Variants in SDK1 observed in about 807,000 individuals in gnomAD.
The protein encoded by SDK1 is protein sidekick-1.
A neutral mutation model predicts 245.5 loss-of-function variants in SDK1; 157 were observed. The ratio of observed to expected loss-of-function variants is 0.64; its 90% CI spans 0.56 to 0.73. The LOEUF is 0.73. Among genes scored for constraint, SDK1 ranks in the 30% least tolerant of loss-of-function variants. The pLI, the probability that SDK1 is intolerant of heterozygous loss-of-function variation, is 0.00. For missense variants in SDK1, 3,583 were observed against 3,002.3 expected, an observed-to-expected ratio of 1.19 and a Z score of -4.52; for synonymous variants, 1,647 against 1,278.5, an observed-to-expected ratio of 1.29 and a Z score of -6.15.
intron 1 of SDK1, among the ~76,000 whole-genome samples, chr7:3,458,425 T>C (rs1583887078): frequency 6.6e-6 from 1 of 152,116 alleles, no homozygotes; most frequent in Non-Finnish European, 1.5e-5. Context: ...ATAAATGAAC[T>C]CCTTCTATGT....
chr7:3,530,540 T>C (rs930072642), intron 1 of SDK1, among the ~76,000 whole-genome samples: 12 of 152,204 alleles, frequency 7.9e-5, no homozygotes, highest in African/African-American at 1.2e-4. Flanking sequence ...TCACTCATGC[T>C]TTGTAAAAGA....
At chr7:3,627,939 A>G (rs923917851) in intron 2 of SDK1, among the ~76,000 whole-genome samples, 2 of 152,080 alleles carry the variant, frequency 1.3e-5, no homozygotes, top group Admixed American at 6.6e-5. Context: ...CAGCCAAGCC[A>G]TTTGTTACTG....
At chr7:3,649,547 C>T (rs1782944067) in intron 4 of SDK1, among the ~76,000 whole-genome samples, 1 of 152,044 alleles carries the variant, frequency 6.6e-6, no homozygotes, top group Admixed American at 6.5e-5. Flanking sequence ...ATTCATTCAA[C>T]ATCATTTCTG....
At chr7:3,620,935 G>C (rs968971419) in intron 2 of SDK1, among the ~76,000 whole-genome samples, 3 of 152,162 alleles carry the variant, frequency 2.0e-5, no homozygotes, top group Admixed American at 1.3e-4. Flanking sequence ...GTAGATCATA[G>C]CATGTTGAAA....
At chr7:3,572,035 A>T (rs1482524934) in intron 1 of SDK1, among the ~76,000 whole-genome samples, 1 of 152,106 alleles carries the variant, frequency 6.6e-6, no homozygotes, top group Non-Finnish European at 1.5e-5. Context: ...TTACTTGGCT[A>T]ACTATCAATG....
intron 1 of SDK1, among the ~76,000 whole-genome samples, chr7:3,349,877 C>T (rs896395983): frequency 1.3e-5 from 2 of 152,202 alleles, no homozygotes; most frequent in Non-Finnish European, 2.9e-5. Flanking sequence ...GCTGGGATTA[C>T]AGGCATGAGC....
intron 23 of SDK1, among the ~76,000 whole-genome samples, chr7:4,111,017 C>T (rs1783304237): frequency 6.6e-6 from 1 of 152,118 alleles, no homozygotes; most frequent in Non-Finnish European, 1.5e-5. Context: ...CAAAACACCC[C>T]ATAGAAATGG....
chr7:4,022,351 C>T (rs547259384), intron 17 of SDK1, among the ~76,000 whole-genome samples: 79 of 152,210 alleles, frequency 5.2e-4, no homozygotes, highest in African/African-American at 1.9e-3. Context: ...TTGAGGTATC[C>T]GGGGAAATGA....
chr7:3,971,455 G>T lies in SDK1; in HGVS notation c.1715-11G>T, dbSNP rs908857910. On this transcript the variant is annotated splice_polypyrimidine_tract_variant and intron_variant, in intron 11 of 44. Coordinates refer to ENST00000404826, the MANE Select transcript of SDK1 (RefSeq NM_152744.4). ...TCATTTCGTCTGACTCGTGACTTGT[G>T]TTTTTTTCAGATCGGACGTCCATCG... 6.3e-7 allele frequency: 1 copy of T among 1,599,874 alleles called. No homozygotes were observed. Among genetic ancestry groups the T allele is most frequent in the African/African-American group, 1.3e-5 (1 of 74,832 alleles).
At chr7:3,714,053 G>A (rs553823985) in intron 4 of SDK1, among the ~76,000 whole-genome samples, 4 of 152,322 alleles carry the variant, frequency 2.6e-5, no homozygotes, top group South Asian at 4.1e-4. Context: ...GTGTGCAGAC[G>A]GCAGCAAGTC....
intron 27 of SDK1, among the ~76,000 whole-genome samples, chr7:4,131,573 T>C (rs1472165071): frequency 6.6e-6 from 1 of 152,212 alleles, no homozygotes; most frequent in Admixed American, 6.5e-5. Flanking sequence ...GCCCATTGCC[T>C]CTTACCTGGG....
At chr7:3,504,381 G>GT (rs1463607606) in intron 1 of SDK1, among the ~76,000 whole-genome samples, 1 of 151,954 alleles carries the variant, frequency 6.6e-6, no homozygotes, top group East Asian at 1.9e-4. Context: ...GAAGATCAAA[G>GT]TTGGAGGACT....
chr7:3,927,871 G>A (rs1238017119), intron 5 of SDK1, among the ~76,000 whole-genome samples: 1 of 152,164 alleles, frequency 6.6e-6, no homozygotes, highest in African/African-American at 2.4e-5. Flanking sequence ...GTTAACAAAT[G>A]GTTGTTCCTC....
intron 22 of SDK1, among the ~76,000 whole-genome samples, chr7:4,098,981 A>G (rs912194998): frequency 1.3e-5 from 2 of 151,744 alleles, no homozygotes; most frequent in African/African-American, 4.8e-5. Context: ...CCACAAATGT[A>G]GTCTAAATTT....
At chr7:3,709,001 T>G (rs57165751) in intron 4 of SDK1, among the ~76,000 whole-genome samples, 2,714 of 152,302 alleles carry the variant, frequency 0.018, 84 homozygotes, top group African/African-American at 0.063. Context: ...CTAGATACTT[T>G]ATTTTATTTA....
intron 2 of SDK1, among the ~76,000 whole-genome samples, chr7:3,620,158 C>T (rs913862483): frequency 2.0e-5 from 3 of 152,108 alleles, no homozygotes; most frequent in Non-Finnish European, 2.9e-5. Flanking sequence ...ATAGCCCACC[C>T]ACTCACTCTC....
intron 1 of SDK1, among the ~76,000 whole-genome samples, chr7:3,526,380 T>G (rs927685250): frequency 6.6e-6 from 1 of 152,366 alleles, no homozygotes; most frequent in Admixed American, 6.5e-5. Context: ...GAGATAATTT[T>G]TGAAGTCAGT....
At chr7:4,037,538 G>A (rs886331736) in intron 17 of SDK1, among the ~76,000 whole-genome samples, 1 of 152,130 alleles carries the variant, frequency 6.6e-6, no homozygotes, top group Non-Finnish European at 1.5e-5. Flanking sequence ...GATCGCCTGA[G>A]CCTGGGAGGT....
rs1335467746 is a variant in SDK1, at chr7:3,531,926, G to A, written c.299-87154G>A. On this transcript the variant is annotated intron_variant, in intron 1 of 44. Coordinates refer to ENST00000404826, the MANE Select transcript of SDK1 (RefSeq NM_152744.4). Reference sequence around the variant, plus strand: ...TGATTCATTTATTTGTACTAAAGTAGCAGGTTCAGTAACACACCATTTATC... The same window carrying A: ...TGATTCATTTATTTGTACTAAAGTAACAGGTTCAGTAACACACCATTTATC... Among the ~76,000 whole-genome samples the A allele has an allele frequency of 2.6e-5, 4 of 152,268 alleles. No homozygotes were observed. The East Asian group carries it at 7.7e-4, about 29-fold the overall frequency.
Sources: gnomAD v4.1 joint callset for allele counts (sites outside exome capture counted in the v4.1 genomes callset) on GRCh38, gnomAD v4.1.1 for gene constraint, MANE v1.5 for transcripts, NCBI Gene and HGNC (gene_info 2026-07-23, HGNC 2026-07-21) for gene names.